The following ANKRD27 variants were observed in gnomAD, a reference collection of about 807,000 sequenced individuals.
The protein encoded by ANKRD27 is ankyrin repeat domain-containing protein 27.
Under a neutral mutation model 129.7 loss-of-function variants are expected in ANKRD27, and 112 were observed. That is an observed-to-expected ratio of 0.86 (90% CI 0.74 to 1.01). ANKRD27 has a LOEUF of 1.01. Among genes scored for constraint, ANKRD27 ranks in the 50% least tolerant of loss-of-function variants. The pLI is 0.00. For missense variants in ANKRD27, 1,258 were observed against 1,300.5 expected, an observed-to-expected ratio of 0.97 and a Z score of 0.50; for synonymous variants, 516 against 511.2, an observed-to-expected ratio of 1.01 and a Z score of -0.13.
At chr19:32,614,023 A>T (rs557256547) in intron 22 of ANKRD27, among the ~76,000 whole-genome samples, 1 of 152,126 alleles carries the variant, frequency 6.6e-6, no homozygotes, top group South Asian at 2.1e-4. Flanking sequence ...AAGTGACAGG[A>T]TTAGGGAAAT....
At chr19:32,628,648 C>T (rs1361341171) in intron 14 of ANKRD27, 74 bp downstream of exon 14, 19 of 1,583,958 alleles carry the variant, frequency 1.2e-5, no homozygotes, top group Admixed American at 3.4e-5. Flanking sequence ...AGTCACACAG[C>T]GCACAGTGGA....
intron 24 of ANKRD27, 69 bp downstream of exon 24, chr19:32,605,766 G>T: frequency 6.3e-7 from 1 of 1,582,000 alleles, no homozygotes; most frequent in African/African-American, 1.4e-5. Context: ...GCGCTGCGGG[G>T]GTCGCTGGGT....
Position 32,659,056 on chromosome 19 carries a change from G to A in ANKRD27, c.-30-11C>T, listed in dbSNP as rs771532744. 3 of 1,460,564 alleles carry A rather than the reference G, an allele frequency of 2.1e-6. No homozygotes were observed. In the South Asian group the frequency reaches 3.4e-5, roughly 17 times the overall value. The allele number at this position is 1,460,564 out of a possible 1,614,324, so 90.5% of individuals were successfully genotyped here. Reference sequence around the variant, plus strand: ...GTCAGAGCAAATCTCCTGCAATAAGGGAGGGAAAAGCAGTGAATAGCCATT... The same window carrying A: ...GTCAGAGCAAATCTCCTGCAATAAGAGAGGGAAAAGCAGTGAATAGCCATT... On this transcript the variant is annotated splice_polypyrimidine_tract_variant and intron_variant, in intron 1 of 28. Transcript: ENST00000306065.
Position 32,597,898 on chromosome 19 carries a change from C to T in ANKRD27, c.*247G>A. 1.8e-6 allele frequency: 1 copy of T among 550,230 alleles called. No homozygotes were observed. Among genetic ancestry groups the T allele is most frequent in the Non-Finnish European group, 3.3e-6 (1 of 305,764 alleles). 34.1% of individuals were successfully genotyped at this position (550,230 alleles called of 1,614,324 possible). ...AAGCATGCACCTCTGGCTTAAGGAT[C>T]TGGATGCTACTGGAATTTTTGTCTG... On this transcript the variant is annotated 3_prime_UTR_variant, in exon 29 of 29. Transcript: ENST00000306065.
intron 23 of ANKRD27, among the ~76,000 whole-genome samples, chr19:32,606,660 C>T (rs997619974): frequency 5.7e-5 from 4 of 70,694 alleles, no homozygotes; most frequent in African/African-American, 1.2e-4. Flanking sequence ...ATCGCCACTC[C>T]GAATTTACAG....
At position 32,618,918 on chromosome 19, in the gene ANKRD27, TA is replaced by T. The variant is rs1345618410; in HGVS notation, c.2007+341del. On this transcript the variant is annotated intron_variant, in intron 20 of 28. Transcript: ENST00000306065. Reference sequence around the variant, plus strand: ...AGAGCGAGACTCTTATCTCAAAAAATAAAAAATAAAAATAAAATGATCTGAA... The same window carrying T: ...AGAGCGAGACTCTTATCTCAAAAAATAAAAATAAAAATAAAATGATCTGAA... Among the ~76,000 whole-genome samples the T allele has an allele frequency of 4.6e-5, 7 of 152,074 alleles. No individual in the cohort carries two copies. In the East Asian group the frequency reaches 1.4e-3, roughly 29 times the overall value.
chr19:32,673,665 C>T (rs200185279), intron 1 of ANKRD27, among the ~76,000 whole-genome samples: 1 of 152,298 alleles, frequency 6.6e-6, no homozygotes, highest in East Asian at 1.9e-4. Flanking sequence ...GTGTGGGTGG[C>T]TGAGAACCCC....
rs1013490060 is a variant in ANKRD27, at chr19:32,643,179, G to T, written c.726C>A (p.Ile242=). 6.2e-7 allele frequency: 1 copy of T among 1,613,932 alleles called. No homozygotes were observed. The highest frequency in any genetic ancestry group is 1.3e-5 in the African/African-American group (1 of 74,888). Residue 242 remains isoleucine (I), a synonymous_variant, in exon 9 of 29, where the codon ATC becomes ATA. Transcript: ENST00000306065. ...GCTGAAGATCTTGAAGGCTTCTTGT[G>T]ATTTTGTTAAAGGCCGCATCCTAAC... The part of the protein sequence containing the change: ...EASEDAAFNK[I]TRSLQDLQQK...
intron 1 of ANKRD27, among the ~76,000 whole-genome samples, chr19:32,664,700 T>C (rs1967714810): frequency 1.3e-5 from 2 of 150,132 alleles, no homozygotes; most frequent in Admixed American, 1.3e-4. Context: ...GGCTCATGCC[T>C]GTAATCCCAC....
intron 2 of ANKRD27, among the ~76,000 whole-genome samples, chr19:32,658,702 G>A (rs558336433): frequency 4.6e-5 from 7 of 152,308 alleles, no homozygotes; most frequent in African/African-American, 1.4e-4. Context: ...CAGGAGTTCA[G>A]AGAAAGTATT....
intron 1 of ANKRD27, among the ~76,000 whole-genome samples, chr19:32,671,355 G>A (rs545610512): frequency 1.3e-3 from 196 of 152,004 alleles, no homozygotes; most frequent in African/African-American, 4.6e-3. Context: ...TTACATAAGG[G>A]TAAATGCTTA....
intron 22 of ANKRD27, 105 bp downstream of exon 22, chr19:32,615,553 C>T (rs1189041577): frequency 1.4e-5 from 23 of 1,586,776 alleles, no homozygotes; most frequent in East Asian, 4.5e-5. Flanking sequence ...CACTGCACTC[C>T]GGCCTGGGTG....
At chr19:32,640,794 C>T (rs1351573351) in intron 10 of ANKRD27, among the ~76,000 whole-genome samples, 1 of 152,152 alleles carries the variant, frequency 6.6e-6, no homozygotes, top group Non-Finnish European at 1.5e-5. Context: ...ATCCCAGGTA[C>T]TTGGGAGGCT....
chr19:32,606,014 G>T lies in ANKRD27; in HGVS notation c.2374-60C>A, dbSNP rs1971729055. ...AAAATTTCTGTCATTTCCTGCCAGA[G>T]AAAAATTATGAAAAATAAATAAATA... On this transcript the variant is annotated intron_variant, in intron 23 of 28. Coordinates refer to ENST00000306065, the MANE Select transcript of ANKRD27 (RefSeq NM_032139.3). 18 of 1,395,118 alleles carry T rather than the reference G, an allele frequency of 1.3e-5. No homozygotes were observed. In the South Asian group the frequency reaches 2.7e-4, roughly 21 times the overall value. The allele number at this position is 1,395,118 out of a possible 1,614,324, so 86.4% of individuals were successfully genotyped here.
chr19:32,652,043 AC>A (rs1477846166), intron 2 of ANKRD27, among the ~76,000 whole-genome samples: 1 of 152,206 alleles, frequency 6.6e-6, no homozygotes, highest in African/African-American at 2.4e-5. Flanking sequence ...TCCTGCTGAG[AC>A]CGGGGAGGAG....
chr19:32,626,854 G>A, intron 15 of ANKRD27, 27 bp from the exon 16 acceptor site: 1 of 1,547,966 alleles, frequency 6.5e-7, no homozygotes, highest in Non-Finnish European at 8.8e-7. Flanking sequence ...CGTCACGATG[G>A]AGAAGGAAGG....
chr19:32,618,795 CAGTTACT>C (rs1376115274), intron 20 of ANKRD27, among the ~76,000 whole-genome samples: 1 of 152,058 alleles, frequency 6.6e-6, no homozygotes, highest in African/African-American at 2.4e-5. Flanking sequence ...CCTGTAATCC[CAGTTACT>C]TGGGAGGCTG....
chr19:32,602,524 T>A (rs1330804134), intron 25 of ANKRD27, among the ~76,000 whole-genome samples: 1 of 152,094 alleles, frequency 6.6e-6, no homozygotes, highest in Non-Finnish European at 1.5e-5. Flanking sequence ...TTTGGGAGAC[T>A]GAGGTGGGAG....
intron 22 of ANKRD27, among the ~76,000 whole-genome samples, chr19:32,615,135 C>T (rs997130716): frequency 6.6e-6 from 1 of 152,256 alleles, no homozygotes; most frequent in African/African-American, 2.4e-5. Flanking sequence ...AAACGCTAAT[C>T]ATGGGACACA....
Sources: allele counts gnomAD v4.1 joint callset (sites outside exome capture counted in the v4.1 genomes callset), GRCh38; gene constraint gnomAD v4.1.1; transcripts MANE v1.5; gene names NCBI Gene and HGNC (gene_info 2026-07-23, HGNC 2026-07-21).